Variants in AGBL4 observed in about 807,000 individuals in gnomAD.
AGBL4 encodes cytosolic carboxypeptidase 6.
In AGBL4, 58 loss-of-function variants were observed where a neutral mutation model predicts 66.4. The observed-to-expected ratio is 0.87, with a 90% CI of 0.71 to 1.09. The LOEUF is 1.09. Ranked by LOEUF, AGBL4 falls within the 50% of genes least tolerant of loss-of-function variation. AGBL4 has a pLI of 0.00. For synonymous variants in AGBL4, 234 were observed against 222.9 expected (o/e 1.05, Z -0.44); for missense variants, 579 against 631.0 (o/e 0.92, Z 0.88).
At chr1:49,871,596 G>GAT (rs1297737354) in intron 1 of AGBL4, among the ~76,000 whole-genome samples, 1 of 152,042 alleles carries the variant, frequency 6.6e-6, no homozygotes, top group Non-Finnish European at 1.5e-5. Flanking sequence ...GTCCAAAATA[G>GAT]ATATATTCAG....
At chr1:48,921,764 A>G (rs900967518) in intron 5 of AGBL4, among the ~76,000 whole-genome samples, 3 of 152,218 alleles carry the variant, frequency 2.0e-5, no homozygotes, top group African/African-American at 7.2e-5. Context: ...CAGCTTATAC[A>G]TAATGGTAGA....
chr1:49,633,680 T>G (rs770467871), intron 3 of AGBL4, among the ~76,000 whole-genome samples: 20 of 151,684 alleles, frequency 1.3e-4, no homozygotes, highest in Admixed American at 2.6e-4. Context: ...AACAAATAAA[T>G]AAAGCAGATA....
intron 3 of AGBL4, among the ~76,000 whole-genome samples, chr1:49,276,121 T>TACACAC (rs150008463): frequency 6.6e-6 from 1 of 150,764 alleles, no homozygotes; most frequent in Non-Finnish European, 1.5e-5. Context: ...TACATATATA[T>TACACAC]ACACACACAC....
At chr1:49,655,985 A>G (rs1048615576) in intron 3 of AGBL4, among the ~76,000 whole-genome samples, 1 of 152,152 alleles carries the variant, frequency 6.6e-6, no homozygotes, top group Non-Finnish European at 1.5e-5. Context: ...CGTCTCTATT[A>G]AAAATACAAA....
intron 3 of AGBL4, among the ~76,000 whole-genome samples, chr1:49,558,718 G>A (rs1472396230): frequency 1.3e-5 from 2 of 152,126 alleles, no homozygotes; most frequent in African/African-American, 4.8e-5. Flanking sequence ...CAGTACCCTA[G>A]AGGGTGAGTT....
At chr1:48,618,132 G>T (rs1055034878) in intron 9 of AGBL4, among the ~76,000 whole-genome samples, 8 of 152,184 alleles carry the variant, frequency 5.3e-5, no homozygotes, top group African/African-American at 1.9e-4. Flanking sequence ...ACTTTGGAAG[G>T]CTGAGATGGG....
chr1:48,879,600 A>T lies in AGBL4; in HGVS notation c.595-12370T>A, dbSNP rs1210780138. 4.6e-5 allele frequency among the ~76,000 whole-genome samples: 7 copies of T among 152,284 alleles called. No homozygotes were observed. The East Asian group carries it at 1.3e-3, about 29-fold the overall frequency. ...ATATATATACATTTGTAAATTGATA[A>T]ATGCTTTCATAAAAAGCTCATTAAG... On this transcript the variant is annotated intron_variant, in intron 5 of 13. Transcript: ENST00000371839.
chr1:48,716,308 T>G (rs971821246), intron 6 of AGBL4, among the ~76,000 whole-genome samples: 4 of 152,138 alleles, frequency 2.6e-5, no homozygotes, highest in African/African-American at 4.8e-5. Context: ...AGTTTTGGAA[T>G]CCAACAGACT....
chr1:49,762,924 C>A (rs1652449550), intron 2 of AGBL4, among the ~76,000 whole-genome samples: 1 of 152,092 alleles, frequency 6.6e-6, no homozygotes, highest in African/African-American at 2.4e-5. Context: ...GTTTTCTGTA[C>A]TTTCGAGGCC....
chr1:49,158,214 A>G (rs1646471837), intron 4 of AGBL4, among the ~76,000 whole-genome samples: 1 of 152,170 alleles, frequency 6.6e-6, no homozygotes, highest in African/African-American at 2.4e-5. Flanking sequence ...AAGACCTAAA[A>G]CCATAAAAAC....
At chr1:48,821,513 G>A (rs547988786) in intron 6 of AGBL4, among the ~76,000 whole-genome samples, 2 of 152,210 alleles carry the variant, frequency 1.3e-5, no homozygotes, top group South Asian at 2.1e-4. Flanking sequence ...AGTACCACAT[G>A]TTTTCACTTA....
At position 49,948,102 on chromosome 1, in the gene AGBL4, A is replaced by C. The variant is rs1469399329; in HGVS notation, c.34+75661T>G. ...TATATGTAAATATATGTATATGTAT[A>C]TATATGTAAATGTATGTAAATATAT... On this transcript the variant is annotated intron_variant, in intron 1 of 13. Transcript: ENST00000371839. 6.9e-4 allele frequency among the ~76,000 whole-genome samples: 64 copies of C among 92,458 alleles called. 1 individual carries two copies. Among genetic ancestry groups the C allele is most frequent in the African/African-American group, 2.7e-3 (59 of 22,056 alleles). The allele number at this position is 92,458 out of a possible 152,430, so 60.7% of individuals were successfully genotyped here.
chr1:48,902,675 T>G (rs1652202287), intron 5 of AGBL4, among the ~76,000 whole-genome samples: 2 of 152,138 alleles, frequency 1.3e-5, no homozygotes, highest in South Asian at 4.1e-4. Flanking sequence ...CATATCCCCA[T>G]TATCACATCC....
intron 11 of AGBL4, among the ~76,000 whole-genome samples, chr1:48,567,819 C>T (rs1644500410): frequency 6.6e-6 from 1 of 152,102 alleles, no homozygotes; most frequent in South Asian, 2.1e-4. Context: ...TGTCATGACT[C>T]TCCGAGAAAT....
At chr1:48,995,034 T>A (rs1031486083) in intron 5 of AGBL4, among the ~76,000 whole-genome samples, 2 of 152,216 alleles carry the variant, frequency 1.3e-5, no homozygotes, top group Non-Finnish European at 2.9e-5. Context: ...TTTGGCTGCT[T>A]CCTTGGCTGT....
chr1:49,880,495 C>G (rs1417924208), intron 1 of AGBL4, among the ~76,000 whole-genome samples: 3 of 152,100 alleles, frequency 2.0e-5, no homozygotes, highest in Admixed American at 2.0e-4. Flanking sequence ...CAGGGACCCA[C>G]TTGAGGAGGC....
intron 1 of AGBL4, among the ~76,000 whole-genome samples, chr1:49,924,288 G>T (rs1335660521): frequency 6.6e-6 from 1 of 152,120 alleles, no homozygotes; most frequent in African/African-American, 2.4e-5. Context: ...GGGGCCTTCT[G>T]GAGGATGGAG....
chr1:48,821,373 GA>G (rs1468908540), intron 6 of AGBL4, among the ~76,000 whole-genome samples: 14 of 152,176 alleles, frequency 9.2e-5, no homozygotes, highest in Admixed American at 8.5e-4. Flanking sequence ...GCTGGATAAA[GA>G]AAATGTGGTA....
intron 3 of AGBL4, among the ~76,000 whole-genome samples, chr1:49,651,055 AGAATTGTCT>A (rs1645994430): frequency 6.6e-6 from 1 of 152,200 alleles, no homozygotes; most frequent in South Asian, 2.1e-4. Context: ...GACAAGCCAC[AGAATTGTCT>A]GCTCTGGAAT....
Sources: gnomAD v4.1 joint callset for allele counts (sites outside exome capture counted in the v4.1 genomes callset) on GRCh38, gnomAD v4.1.1 for gene constraint, MANE v1.5 for transcripts, NCBI Gene and HGNC (gene_info 2026-07-23, HGNC 2026-07-21) for gene names.